Variants in SV2B observed in about 807,000 individuals in gnomAD.
The protein encoded by SV2B is solute carrier family 22 member B2.
In SV2B, 41 loss-of-function variants were observed where a neutral mutation model predicts 73.9. The observed-to-expected ratio is 0.56, with a 90% confidence interval of 0.43 to 0.72. The LOEUF is 0.72. Ranked by LOEUF, SV2B falls within the 30% of genes least tolerant of loss-of-function variation. The probability of loss-of-function intolerance (pLI) is 0.00; values close to 1 mark genes in which losing one functional copy is unlikely to be tolerated. For synonymous variants in SV2B, 314 were observed against 314.2 expected (o/e 1.00, Z 0.01); for missense variants, 764 against 857.8 (o/e 0.89, Z 1.37).
chr15:91,212,789 A>G (rs1260277418), intron 1 of SV2B, among the ~76,000 whole-genome samples: 3 of 151,686 alleles, frequency 2.0e-5, no homozygotes, highest in South Asian at 4.2e-4. Flanking sequence ...CCCTGTCTCT[A>G]TAAAAAAATT....
At position 91,201,335 on chromosome 15, in the gene SV2B, A is replaced by T. The variant is rs180729546; in HGVS notation, c.-391-24538A>T. 3.3e-5 allele frequency among the ~76,000 whole-genome samples: 5 copies of T among 152,298 alleles called. No individual in the cohort carries two copies. The East Asian group carries it at 9.6e-4, about 29-fold the overall frequency. The stretch of plus-strand genomic sequence containing the variant: ...GAGCCACTGTTCTAGATACTTTTAC[A>T]TGTATTTACTCATTTAAGCCTCATA... On this transcript the variant is annotated intron_variant, in intron 1 of 12. Transcript: ENST00000394232.
chr15:91,288,492 G>A lies in SV2B; in HGVS notation c.1709-1029G>A, dbSNP rs531105771. Among the ~76,000 whole-genome samples the A allele has an allele frequency of 2.0e-5, 3 of 152,062 alleles. No individual in the cohort carries two copies. The highest frequency in any genetic ancestry group is 4.2e-4 in the South Asian group (2 of 4,790). ...GTCACCGTGCTGTGTAGTAGATCTC[G>A]AAAAGTGAGATGATGCAGATGTTTC... is the stretch of plus-strand genomic sequence containing the variant. On this transcript the variant is annotated intron_variant, in intron 11 of 12. Transcript: ENST00000394232. This position sits in a 1 kb window ranked among gnomAD's most constrained non-coding sequence, Gnocchi z 5.8.
chr15:91,170,498 G>A (rs1226912206), intron 1 of SV2B, among the ~76,000 whole-genome samples: 1 of 152,166 alleles, frequency 6.6e-6, no homozygotes, highest in Admixed American at 6.5e-5. Flanking sequence ...ATGTTGGCCA[G>A]GCTGGTCTTG....
intron 1 of SV2B, among the ~76,000 whole-genome samples, chr15:91,202,563 T>G (rs1276516703): frequency 6.6e-6 from 1 of 152,048 alleles, no homozygotes; most frequent in Non-Finnish European, 1.5e-5. Flanking sequence ...CCTCTAAGAG[T>G]AAATACCTAT....
rs2045306181 is a variant in SV2B at position 91,197,831 on chromosome 15, C to A, written c.-391-28042C>A. On this transcript the variant is annotated intron_variant, in intron 1 of 12. Coordinates refer to ENST00000394232, the MANE Select transcript of SV2B (RefSeq NM_001323032.3). The surrounding 1 kb of genome is among the most constrained non-coding windows in gnomAD (Gnocchi z 4.9). ...GGTGGATCACCTGAGGTCAGGAGTT[C>A]CAGATCAGCTTGGCCAACATGGTGA... Among the ~76,000 whole-genome samples, 1 of 151,946 alleles carries A rather than the reference C, an allele frequency of 6.6e-6. No homozygotes were observed. The highest frequency in any genetic ancestry group is 1.5e-5 in the Non-Finnish European group (1 of 67,988).
chr15:91,143,607 T>C (rs190685278), intron 1 of SV2B, among the ~76,000 whole-genome samples: 10 of 152,342 alleles, frequency 6.6e-5, no homozygotes, highest in Non-Finnish European at 1.3e-4. Context: ...TCGCCGAAAG[T>C]GTCAAATCCC....
intron 1 of SV2B, among the ~76,000 whole-genome samples, chr15:91,149,594 G>C (rs981095597): frequency 2.6e-5 from 4 of 152,196 alleles, no homozygotes; most frequent in African/African-American, 9.7e-5. Flanking sequence ...TGGGAGCCAC[G>C]CTCTTAGTCT....
At chr15:91,133,409 T>G (rs991439151) in intron 1 of SV2B, among the ~76,000 whole-genome samples, 35 of 152,222 alleles carry the variant, frequency 2.3e-4, no homozygotes, top group Admixed American at 2.0e-3. Flanking sequence ...TTGTTTTTGT[T>G]TTTTGGTTGA....
At chr15:91,119,042 A>G (rs1441574884) in intron 1 of SV2B, among the ~76,000 whole-genome samples, 1 of 152,172 alleles carries the variant, frequency 6.6e-6, no homozygotes, top group Non-Finnish European at 1.5e-5. Flanking sequence ...CCTGTAGCAG[A>G]TGGAATCCTC....
At chr15:91,171,498 T>C (rs746001122) in intron 1 of SV2B, among the ~76,000 whole-genome samples, 49 of 152,158 alleles carry the variant, frequency 3.2e-4, no homozygotes, top group East Asian at 7.7e-4. Flanking sequence ...CTCAGTGCAA[T>C]AGACTGCAGT....
At chr15:91,266,293 G>C (rs1200380773) in intron 6 of SV2B, among the ~76,000 whole-genome samples, 1 of 152,172 alleles carries the variant, frequency 6.6e-6, no homozygotes, top group Non-Finnish European at 1.5e-5. Context: ...CTTTCTCCCC[G>C]CGGATTGCCC....
Position 91,241,351 on chromosome 15 carries a change from A to G in SV2B, c.452-10468A>G, listed in dbSNP as rs2047005718. Among the ~76,000 whole-genome samples the G allele has an allele frequency of 6.6e-6, 1 of 151,680 alleles. No homozygotes were observed. Among genetic ancestry groups the G allele is most frequent in the African/African-American group, 2.4e-5 (1 of 41,240 alleles). On this transcript the variant is annotated intron_variant, in intron 2 of 12. Transcript: ENST00000394232. This position sits in a 1 kb window ranked among gnomAD's most constrained non-coding sequence, Gnocchi z 4.8. ...CGACTTTTCCTCCATCTGTCCCTAA[A>G]CCCCGTTGCTGCACCTGGGTGGTCA...
At position 91,283,664 on chromosome 15, in the gene SV2B, G is replaced by C. The variant is rs1278394002; in HGVS notation, c.1508-357G>C. 6.6e-6 allele frequency among the ~76,000 whole-genome samples: 1 copy of C among 152,006 alleles called. No individual in the cohort carries two copies. Among genetic ancestry groups the C allele is most frequent in the African/African-American group, 2.4e-5 (1 of 41,366 alleles). ...AGATAAGGTCTCACTGTGTTGCCCA[G>C]GCTGGTCCTGAACTCCTGAGCTCAA... On this transcript the variant is annotated intron_variant, in intron 10 of 12. Transcript: ENST00000394232. The surrounding 1 kb of genome is among the most constrained non-coding windows in gnomAD (Gnocchi z 4.3).
chr15:91,199,571 A>G (rs571966580), intron 1 of SV2B, among the ~76,000 whole-genome samples: 3 of 152,308 alleles, frequency 2.0e-5, no homozygotes, highest in Admixed American at 2.0e-4. Context: ...GGGGCAGGGC[A>G]AATGCTTTGA....
chr15:91,116,763 C>T (rs2042190435), intron 1 of SV2B, among the ~76,000 whole-genome samples: 1 of 152,104 alleles, frequency 6.6e-6, no homozygotes, highest in Non-Finnish European at 1.5e-5. Context: ...GACTGGGTAA[C>T]TTATAAAGAA....
Position 91,280,191 on chromosome 15 carries a change from T to A in SV2B, c.1374-1537T>A, listed in dbSNP as rs1265158484. Among the ~76,000 whole-genome samples the A allele has an allele frequency of 6.6e-6, 1 of 152,158 alleles. No homozygotes were observed. The highest frequency in any genetic ancestry group is 2.4e-5 in the African/African-American group (1 of 41,436). On this transcript the variant is annotated intron_variant, in intron 9 of 12. Coordinates refer to ENST00000394232, the MANE Select transcript of SV2B (RefSeq NM_001323032.3). The surrounding 1 kb of genome is among the most constrained non-coding windows in gnomAD (Gnocchi z 5.8). ...TGTGGGGTCTTTTAGCAGAAGCTAA[T>A]GATTGGCAGCTCTAGATTAAGGTTC...
chr15:91,180,660 A>T (rs1019237943), intron 1 of SV2B, among the ~76,000 whole-genome samples: 9 of 152,112 alleles, frequency 5.9e-5, no homozygotes, highest in African/African-American at 2.2e-4. Flanking sequence ...CCGTCACTGA[A>T]ACCCTTTCTT....
rs1333190628 is a variant in SV2B at position 91,128,439 on chromosome 15, G to A, written c.-392+28076G>A. Among the ~76,000 whole-genome samples the A allele has an allele frequency of 2.6e-5, 4 of 152,180 alleles. No individual in the cohort carries two copies. ...CGCAAACCCTCACCTGGCTGAATAT[G>A]AGATCCCTACATTGCTATTGGCGCT... is the stretch of plus-strand genomic sequence containing the variant. On this transcript the variant is annotated intron_variant, in intron 1 of 12. Coordinates refer to ENST00000394232, the MANE Select transcript of SV2B (RefSeq NM_001323032.3). The surrounding 1 kb of genome is among the most constrained non-coding windows in gnomAD (Gnocchi z 4.2).
At chr15:91,155,837 C>T (rs923335702) in intron 1 of SV2B, among the ~76,000 whole-genome samples, 5 of 151,978 alleles carry the variant, frequency 3.3e-5, no homozygotes, top group African/African-American at 1.2e-4. Flanking sequence ...TTGTTCCAGA[C>T]CGTTAAGGTA....
Sources: allele counts gnomAD v4.1 joint callset (sites outside exome capture counted in the v4.1 genomes callset), GRCh38; gene constraint gnomAD v4.1.1; non-coding constraint Gnocchi (gnomAD v3.1); transcripts MANE v1.5; gene names NCBI Gene and HGNC (gene_info 2026-07-23, HGNC 2026-07-21).